SFMBT2: variants seen among roughly 807,000 people sequenced by gnomAD.
The protein encoded by SFMBT2 is scm-like with four MBT domains protein 2.
Under a neutral mutation model 110.1 loss-of-function variants are expected in SFMBT2, and 38 were observed. That is an observed-to-expected ratio of 0.35 (90% confidence interval 0.27 to 0.45). The LOEUF (loss-of-function observed/expected upper bound fraction) is 0.45, where lower values mean the gene tolerates loss of function less well. Among genes scored for constraint, SFMBT2 ranks in the 20% least tolerant of loss-of-function variants. The pLI is 1.00. For synonymous variants in SFMBT2, 425 were observed against 425.4 expected, an observed-to-expected ratio of 1.00 and a Z score of 0.01; for missense variants, 1,011 against 1,094.9, an observed-to-expected ratio of 0.92 and a Z score of 1.08.
At chr10:7,325,798 T>C (rs1004826400) in intron 4 of SFMBT2, among the ~76,000 whole-genome samples, 11 of 152,210 alleles carry the variant, frequency 7.2e-5, no homozygotes, top group Non-Finnish European at 1.0e-4. Context: ...GTTTACTCTT[T>C]GGGATGATGA....
intron 4 of SFMBT2, among the ~76,000 whole-genome samples, chr10:7,306,633 T>C (rs1842705969): frequency 6.7e-6 from 1 of 150,220 alleles, no homozygotes; most frequent in Non-Finnish European, 1.5e-5. Flanking sequence ...ATTCATCAAA[T>C]CAAGGATGCT....
chr10:7,290,272 AAAAG>A (rs1421177786), intron 4 of SFMBT2, among the ~76,000 whole-genome samples: 4 of 152,094 alleles, frequency 2.6e-5, no homozygotes, highest in Non-Finnish European at 5.9e-5. Context: ...AAAAAAAAAA[AAAAG>A]AAAGAAACTT....
chr10:7,283,574 T>C (rs767703274), intron 6 of SFMBT2, among the ~76,000 whole-genome samples: 1 of 152,162 alleles, frequency 6.6e-6, no homozygotes, highest in Non-Finnish European at 1.5e-5. Context: ...CGGAACCTAC[T>C]TACAAGACTA....
intron 9 of SFMBT2, among the ~76,000 whole-genome samples, chr10:7,243,092 A>G (rs889982902): frequency 1.3e-5 from 2 of 152,232 alleles, no homozygotes; most frequent in Non-Finnish European, 2.9e-5. Flanking sequence ...CCTGGCTCCC[A>G]GTGTAATTAT....
chr10:7,336,696 G>A (rs146991291), intron 4 of SFMBT2, among the ~76,000 whole-genome samples: 41 of 152,118 alleles, frequency 2.7e-4, no homozygotes, highest in Non-Finnish European at 4.4e-4. Flanking sequence ...AGAGAGATCC[G>A]GATAGTGAAT....
At chr10:7,203,631 G>A (rs1839029137) in intron 12 of SFMBT2, 7 of 947,166 alleles carry the variant, frequency 7.4e-6, no homozygotes, top group African/African-American at 1.8e-5. Flanking sequence ...CAAGGACAGA[G>A]GGGATTGGAA....
chr10:7,171,841 G>A lies in SFMBT2; in HGVS notation c.2415+54C>T, dbSNP rs1837879660. The A allele has an allele frequency of 7.3e-7, 1 of 1,371,088 alleles. No homozygotes were observed. The highest frequency in any genetic ancestry group is 9.4e-7 in the Non-Finnish European group (1 of 1,062,532). The allele number at this position is 1,371,088 out of a possible 1,614,324, so 84.9% of individuals were successfully genotyped here. ...ACATCGTGGCCCTGAAGTGTAACAG[G>A]TGTGCTTCTTCAGACCCAGCGGGAA... On this transcript the variant is annotated intron_variant, in intron 19 of 20. Transcript: ENST00000397167. The surrounding 1 kb of genome is among the most constrained non-coding windows in gnomAD (Gnocchi z 4.9).
chr10:7,183,925 G>A (rs924064031), intron 16 of SFMBT2, among the ~76,000 whole-genome samples: 4 of 152,150 alleles, frequency 2.6e-5, no homozygotes, highest in Admixed American at 6.5e-5. Context: ...CGGTATGAGG[G>A]TTACACATGT....
At chr10:7,319,676 G>A (rs558502604) in intron 4 of SFMBT2, among the ~76,000 whole-genome samples, 5 of 151,934 alleles carry the variant, frequency 3.3e-5, no homozygotes, top group Admixed American at 3.3e-4. Flanking sequence ...GAGACAGAGA[G>A]AGACAAAGAC....
chr10:7,268,049 A>G (rs1841450350), intron 7 of SFMBT2, among the ~76,000 whole-genome samples: 1 of 152,254 alleles, frequency 6.6e-6, no homozygotes, highest in African/African-American at 2.4e-5. Context: ...TAATATTTGC[A>G]AACACGTAGG....
intron 7 of SFMBT2, among the ~76,000 whole-genome samples, chr10:7,259,915 T>C (rs1841141569): frequency 6.6e-6 from 1 of 152,228 alleles, no homozygotes; most frequent in Non-Finnish European, 1.5e-5. Flanking sequence ...GTGCTGCCAG[T>C]CTACACTGCA....
intron 4 of SFMBT2, among the ~76,000 whole-genome samples, chr10:7,353,288 C>T (rs909988940): frequency 1.3e-5 from 2 of 152,096 alleles, no homozygotes; most frequent in African/African-American, 2.4e-5. Context: ...ATACAGTGGA[C>T]CAAATCAACA....
chr10:7,198,565 A>T (rs1330922851), intron 14 of SFMBT2, among the ~76,000 whole-genome samples: 1 of 152,160 alleles, frequency 6.6e-6, no homozygotes, highest in African/African-American at 2.4e-5. Flanking sequence ...CTACCCCAAC[A>T]ATGGTTCCTG....
At chr10:7,188,117 T>C (rs1441567655) in intron 16 of SFMBT2, among the ~76,000 whole-genome samples, 1 of 152,156 alleles carries the variant, frequency 6.6e-6, no homozygotes, top group African/African-American at 2.4e-5. Flanking sequence ...TAAAAGAAAG[T>C]TACTTGACTC....
chr10:7,356,707 G>A (rs922489599), intron 4 of SFMBT2, among the ~76,000 whole-genome samples: 4 of 152,152 alleles, frequency 2.6e-5, no homozygotes, highest in East Asian at 1.9e-4. Flanking sequence ...TGTGAGCCAC[G>A]GCGCCCAGCC....
intron 4 of SFMBT2, among the ~76,000 whole-genome samples, chr10:7,314,167 C>T (rs1405807713): frequency 1.3e-5 from 2 of 152,188 alleles, no homozygotes; most frequent in African/African-American, 2.4e-5. Context: ...TTAGGATTTA[C>T]TCTTATATCC....
intron 1 of SFMBT2, among the ~76,000 whole-genome samples, chr10:7,397,135 G>A (rs1459752497): frequency 6.6e-6 from 1 of 152,196 alleles, no homozygotes; most frequent in Non-Finnish European, 1.5e-5. Context: ...TTTAAACTGT[G>A]ATAACAAAGC....
chr10:7,176,428 T>C (rs988490380), intron 16 of SFMBT2: 3 of 958,804 alleles, frequency 3.1e-6, no homozygotes, highest in African/African-American at 1.8e-5. Context: ...CATTTTGCTA[T>C]ATACAACTTC....
chr10:7,278,757 T>A (rs1025764033), intron 6 of SFMBT2, among the ~76,000 whole-genome samples: 1 of 151,938 alleles, frequency 6.6e-6, no homozygotes, highest in East Asian at 1.9e-4. Context: ...CCTTGACCCT[T>A]GATGGTGGTC....
Sources: gnomAD v4.1 joint callset for allele counts (sites outside exome capture counted in the v4.1 genomes callset) on GRCh38, gnomAD v4.1.1 for gene constraint, Gnocchi (gnomAD v3.1) non-coding constraint, MANE v1.5 for transcripts, NCBI Gene and HGNC (gene_info 2026-07-23, HGNC 2026-07-21) for gene names.